The following DNAAF9 variants were observed in gnomAD, a reference collection of about 807,000 sequenced individuals.
The protein encoded by DNAAF9 is dynein axonemal assembly factor 9, also known as shulin.
In DNAAF9, 90 loss-of-function variants were observed where a neutral mutation model predicts 167.0. The observed-to-expected ratio is 0.54, with a 90% confidence interval of 0.45 to 0.64. DNAAF9 has a LOEUF of 0.64. DNAAF9 is among the 30% of genes least tolerant of loss of function. The pLI is 0.00. For synonymous variants in DNAAF9, 491 were observed against 508.8 expected, an observed-to-expected ratio of 0.96 and a Z score of 0.47; for missense variants, 1,315 against 1,442.2, an observed-to-expected ratio of 0.91 and a Z score of 1.43.
At chr20:3,264,605 C>T (rs2122771743) in intron 30 of DNAAF9, 81 bp from the exon 31 acceptor site, 3 of 775,786 alleles carry the variant, frequency 3.9e-6, no homozygotes, top group East Asian at 2.6e-5. Context: ...GAGTCTCGCT[C>T]TGTCGCCAGG....
At chr20:3,316,872 T>G in intron 17 of DNAAF9, 79 bp from the exon 18 acceptor site, 1 of 805,594 alleles carries the variant, frequency 1.2e-6, no homozygotes, top group Non-Finnish European at 2.0e-6. Context: ...CTAAATGCCC[T>G]TCTCAGGAGC....
At chr20:3,284,495 G>A (rs1036890045) in intron 27 of DNAAF9, among the ~76,000 whole-genome samples, 3 of 143,536 alleles carry the variant, frequency 2.1e-5, no homozygotes, top group Admixed American at 7.0e-5. Context: ...AGCTTGTACC[G>A]GACCACTCTG....
rs1433673239 is a variant in DNAAF9 at position 3,322,685 on chromosome 20, G to T, written c.1277C>A (p.Thr426Asn). The stretch of plus-strand genomic sequence containing the variant: ...ATTATTCACAGCATGTATATGAAAA[G>T]TCATCTTGGAGCTGTAGACCAGAAA... ...PFKAALRSKM[T>N]FHIHAVNNQG... is the part of the protein sequence containing the mutation. Residue 426 changes from threonine (T) to asparagine (N), a missense_variant, in exon 15 of 37, where the codon ACT becomes AAT. Physicochemically the swap from Thr to Asn is moderately conservative, Grantham distance 65 (BLOSUM62 0). Around this residue, in one of 2 missense-constraint regions of DNAAF9, gnomAD observed 981 missense variants for 1,012.5 expected, o/e 0.97. Coordinates refer to ENST00000252032, the MANE Select transcript of DNAAF9 (RefSeq NM_001009984.3). 6.2e-7 allele frequency: 1 copy of T among 1,612,788 alleles called. No homozygotes were observed. Among genetic ancestry groups the T allele is most frequent in the Non-Finnish European group, 8.5e-7 (1 of 1,178,790 alleles).
chr20:3,268,897 C>CTTTTTTT (rs386393120), intron 30 of DNAAF9, among the ~76,000 whole-genome samples: 1,489 of 85,778 alleles, frequency 0.017, 161 homozygotes, highest in African/African-American at 0.044. Flanking sequence ...CTCTATGTTA[C>CTTTTTTT]TTTTTTTTTT....
chr20:3,256,216 AAGG>A lies in DNAAF9; in HGVS notation c.3056-8_3056-6del. 1 of 1,607,754 alleles carries A rather than the reference AAGG, an allele frequency of 6.2e-7. No homozygotes were observed. ...CCTCCATGGTCCTCTCAGAGTCTGT[AAGG>A]AGAATACACATTAGTCCCTGAGAGC... On this transcript the variant is annotated splice_polypyrimidine_tract_variant and splice_region_variant and intron_variant, in intron 33 of 36. Transcript: ENST00000252032.
intron 29 of DNAAF9, among the ~76,000 whole-genome samples, chr20:3,276,516 GA>G (rs1247951124): frequency 6.6e-6 from 1 of 152,230 alleles, no homozygotes; most frequent in Non-Finnish European, 1.5e-5. Flanking sequence ...ATGCCAGAGA[GA>G]ACAGTCTGTT....
rs2069479782 is a variant in DNAAF9, at chr20:3,315,085, T to C, written c.1626A>G (p.Gly542=). 2 of 1,611,510 alleles carry C rather than the reference T, an allele frequency of 1.2e-6. No individual in the cohort carries two copies. The highest frequency in any genetic ancestry group is 8.5e-7 in the Non-Finnish European group (1 of 1,177,756). ...TGGAATAAAGATATGCTCCTTCTCCTCCTGTTAGATAAGTGCCCAGGAAAG... is the reference window on the plus strand; with the variant it reads ...TGGAATAAAGATATGCTCCTTCTCCCCCTGTTAGATAAGTGCCCAGGAAAG... The part of the protein sequence containing the change: ...DESFLGTYLT[G]GEGAYLYSSN... Residue 542 remains glycine (G), a synonymous_variant, in exon 20 of 37, where the codon GGA becomes GGG. Coordinates refer to ENST00000252032, the MANE Select transcript of DNAAF9 (RefSeq NM_001009984.3). This position sits in a 1 kb window ranked among gnomAD's most constrained non-coding sequence, Gnocchi z 4.1.
intron 17 of DNAAF9, among the ~76,000 whole-genome samples, chr20:3,317,444 T>G (rs2069524573): frequency 6.6e-6 from 1 of 151,936 alleles, no homozygotes; most frequent in Non-Finnish European, 1.5e-5. Context: ...TTTTAATTTT[T>G]ATCAAGGTAG....
chr20:3,400,342 A>T (rs1272401406), intron 1 of DNAAF9, among the ~76,000 whole-genome samples: 2 of 151,178 alleles, frequency 1.3e-5, no homozygotes, highest in Non-Finnish European at 3.0e-5. Flanking sequence ...GTAAACTCCA[A>T]GTAAACAAAA....
intron 21 of DNAAF9, among the ~76,000 whole-genome samples, 183 bp downstream of exon 21, chr20:3,304,257 G>A (rs1250387384): frequency 1.3e-5 from 2 of 152,174 alleles, no homozygotes; most frequent in African/African-American, 2.4e-5. Context: ...GATGAGGCTC[G>A]TAAGCGTCTT....
intron 21 of DNAAF9, 141 bp from the exon 22 acceptor site, chr20:3,298,316 G>A (rs1568587944): frequency 7.1e-6 from 5 of 702,352 alleles, no homozygotes; most frequent in Non-Finnish European, 1.2e-5. Flanking sequence ...GTATAGATGT[G>A]CTTTACTTAT....
intron 10 of DNAAF9, among the ~76,000 whole-genome samples, chr20:3,335,003 T>C (rs548952165): frequency 6.6e-6 from 1 of 152,364 alleles, no homozygotes; most frequent in Non-Finnish European, 1.5e-5. Flanking sequence ...ACTGACTTAA[T>C]GAGTGAAAAC....
intron 29 of DNAAF9, among the ~76,000 whole-genome samples, chr20:3,273,942 C>T (rs1188126821): frequency 6.6e-6 from 1 of 152,052 alleles, no homozygotes; most frequent in Non-Finnish European, 1.5e-5. Flanking sequence ...TGTTCTGCAC[C>T]TTTTCCCCCC....
intron 20 of DNAAF9, among the ~76,000 whole-genome samples, chr20:3,305,177 T>C (rs1420635803): frequency 6.6e-6 from 1 of 152,148 alleles, no homozygotes; most frequent in East Asian, 1.9e-4. Flanking sequence ...GTTTCCTGGA[T>C]GGTCAAGGTC....
intron 6 of DNAAF9, among the ~76,000 whole-genome samples, chr20:3,369,838 A>G (rs6051807): frequency 0.17 from 25,270 of 152,142 alleles, 2,278 homozygotes; most frequent in Non-Finnish European, 0.19. Flanking sequence ...TTTTCCATAC[A>G]TTCAGTTATT....
intron 20 of DNAAF9, among the ~76,000 whole-genome samples, chr20:3,306,445 T>G (rs1362963827): frequency 6.6e-6 from 1 of 152,222 alleles, no homozygotes; most frequent in African/African-American, 2.4e-5. Flanking sequence ...CACGCAGTAT[T>G]TACTAAGCAC....
At chr20:3,310,261 G>C (rs2069378372) in intron 20 of DNAAF9, among the ~76,000 whole-genome samples, 1 of 145,400 alleles carries the variant, frequency 6.9e-6, no homozygotes, top group Admixed American at 7.0e-5. Flanking sequence ...GAGAGAGAGA[G>C]AGAAAGAAAG....
chr20:3,361,808 C>G, intron 6 of DNAAF9: 1 of 1,323,862 alleles, frequency 7.6e-7, no homozygotes, highest in Non-Finnish European at 1.0e-6. Context: ...AGAAAATTTA[C>G]TACTGAAAAA....
At chr20:3,278,798 A>T in intron 29 of DNAAF9, 114 bp downstream of exon 29, 1 of 835,722 alleles carries the variant, frequency 1.2e-6, no homozygotes, top group South Asian at 1.4e-5. Context: ...TTTTCTGACC[A>T]ATTTTGTTTG....
Sources: allele counts gnomAD v4.1 joint callset (sites outside exome capture counted in the v4.1 genomes callset), GRCh38; gene constraint gnomAD v4.1.1; regional missense constraint gnomAD v4.1.1; non-coding constraint Gnocchi (gnomAD v3.1); transcripts MANE v1.5; gene names NCBI Gene and HGNC (gene_info 2026-07-23, HGNC 2026-07-21).